Variants in LCOR observed in about 807,000 individuals in gnomAD.
The protein encoded by LCOR is ligand dependent nuclear receptor corepressor.
A neutral mutation model predicts 64.4 loss-of-function variants in LCOR; 14 were observed. That is an observed-to-expected ratio of 0.22 (90% CI 0.14 to 0.34). The LOEUF (loss-of-function observed/expected upper bound fraction) is 0.34. Ranked by LOEUF, LCOR falls within the 10% of genes least tolerant of loss-of-function variation. LCOR has a pLI of 1.00. For synonymous variants in LCOR, 643 were observed against 642.5 expected (o/e 1.00, Z -0.01); for missense variants, 1,686 against 1,765.3 (o/e 0.96, Z 0.80).
intron 7 of LCOR, among the ~76,000 whole-genome samples, 193 bp downstream of exon 7, chr10:96,952,389 A>T (rs1010734289): frequency 1.3e-5 from 2 of 152,208 alleles, no homozygotes; most frequent in African/African-American, 2.4e-5. Flanking sequence ...TTGTCAGTTT[A>T]GTACAAATAG....
intron 2 of LCOR, among the ~76,000 whole-genome samples, chr10:96,837,243 G>T (rs1171928122): frequency 6.6e-6 from 1 of 151,902 alleles, no homozygotes; most frequent in Non-Finnish European, 1.5e-5. Flanking sequence ...GCCCGCCTTG[G>T]CCTCCCAAAG....
rs1846746194 is a variant in LCOR, at chr10:96,907,314, T to A, written c.-280T>A. Reference sequence around the variant, plus strand: ...TGTTTGGACCTGCATTATTAAAAGATCTCAGTTTATTTAAAGGTATTCAAA... The same window carrying A: ...TGTTTGGACCTGCATTATTAAAAGAACTCAGTTTATTTAAAGGTATTCAAA... On this transcript the variant is annotated 5_prime_UTR_variant, in exon 3 of 8. Coordinates refer to ENST00000421806, the MANE Select transcript of LCOR (RefSeq NM_001346516.2). 1 of 979,302 alleles carries A rather than the reference T, an allele frequency of 1.0e-6. No individual in the cohort carries two copies. Among genetic ancestry groups the A allele is most frequent in the African/African-American group, 1.8e-5 (1 of 57,102 alleles). 60.7% of individuals were successfully genotyped at this position (979,302 alleles called of 1,614,324 possible).
chr10:96,835,652 C>T (rs1016130480), intron 2 of LCOR, among the ~76,000 whole-genome samples: 1 of 152,112 alleles, frequency 6.6e-6, no homozygotes. Context: ...CTGTTTGTTT[C>T]TCTTGACTGA....
At chr10:96,892,530 A>G (rs1052744742) in intron 2 of LCOR, among the ~76,000 whole-genome samples, 1 of 152,152 alleles carries the variant, frequency 6.6e-6, no homozygotes, top group Non-Finnish European at 1.5e-5. Context: ...ATGTTCTCAC[A>G]TGACAAAAGG....
chr10:96,935,178 T>G (rs1327870173), intron 4 of LCOR, among the ~76,000 whole-genome samples: 1 of 127,636 alleles, frequency 7.8e-6, no homozygotes, highest in Non-Finnish European at 1.6e-5. Flanking sequence ...AGACAGAGTG[T>G]CACTCTGTCA....
chr10:96,891,289 A>C (rs12257413), intron 2 of LCOR, among the ~76,000 whole-genome samples: 20,979 of 151,832 alleles, frequency 0.14, 1,972 homozygotes, highest in African/African-American at 0.26. Flanking sequence ...ATTTGTTGGC[A>C]TACAATAGTT....
In LCOR at chr10:96,993,143, CA is replaced by C. The variant is rs1450995026; in HGVS notation, c.*8010del. 6.6e-6 allele frequency: 1 copy of C among 152,232 alleles called. No homozygotes were observed. The highest frequency in any genetic ancestry group is 1.5e-5 in the Non-Finnish European group (1 of 68,070). The allele number at this position is 152,232 out of a possible 1,614,324, so 9.4% of individuals were successfully genotyped here. A position where few individuals can be genotyped will look rare whatever the true frequency, so the allele number is the denominator to read the frequency against. ...TCTGTGCCCTGTCCTTCGGCACCCCCATGTTAGTCATGATCCTCATTGTGCA... is the reference window on the plus strand; with the variant it reads ...TCTGTGCCCTGTCCTTCGGCACCCCCTGTTAGTCATGATCCTCATTGTGCA... On this transcript the variant is annotated 3_prime_UTR_variant, in exon 8 of 8. Coordinates refer to ENST00000421806, the MANE Select transcript of LCOR (RefSeq NM_001346516.2).
chr10:96,876,905 G>A (rs1846175085), intron 2 of LCOR, among the ~76,000 whole-genome samples: 1 of 151,950 alleles, frequency 6.6e-6, no homozygotes, highest in Admixed American at 6.6e-5. Context: ...ATGTTGGCCA[G>A]GTTGGTCTGG....
chr10:96,936,244 G>A (rs1847348990), intron 4 of LCOR, among the ~76,000 whole-genome samples: 1 of 152,198 alleles, frequency 6.6e-6, no homozygotes, highest in Non-Finnish European at 1.5e-5. Flanking sequence ...TTACCAAAAC[G>A]AATGAGATGT....
chr10:96,874,313 A>G (rs1272238514), intron 2 of LCOR, among the ~76,000 whole-genome samples: 1 of 152,104 alleles, frequency 6.6e-6, no homozygotes, highest in Non-Finnish European at 1.5e-5. Context: ...TTTGATCTAT[A>G]TTGCCAGTGT....
chr10:96,924,968 A>C (rs1775022962), intron 4 of LCOR, among the ~76,000 whole-genome samples: 1 of 152,174 alleles, frequency 6.6e-6, no homozygotes, highest in East Asian at 1.9e-4. Context: ...AATCCAATTT[A>C]GCATCACTCA....
intron 2 of LCOR, among the ~76,000 whole-genome samples, chr10:96,866,709 G>A (rs1240713515): frequency 6.6e-6 from 1 of 151,986 alleles, no homozygotes; most frequent in East Asian, 1.9e-4. Context: ...CTAGTAGCTC[G>A]GATTACAGGC....
At position 96,984,859 on chromosome 10, in the gene LCOR, A is replaced by G. The variant is rs755456250; in HGVS notation, c.4399A>G (p.Ser1467Gly). Reference sequence around the variant, plus strand: ...GATCCCTAAAAAGTCCGCTGGGAAGAGCTGCCCTCCCTCCAGGAAAGAAAA... The same window carrying G: ...GATCCCTAAAAAGTCCGCTGGGAAGGGCTGCCCTCCCTCCAGGAAAGAAAA... Reference protein sequence around the residue: ...VKIPKKSAGKSCPPSRKEKEN... With the variant: ...VKIPKKSAGKGCPPSRKEKEN... The change falls in exon 8 of 8, where the codon AGC (serine) becomes GGC (glycine). Residue 1467 changes from serine (S) to glycine (G), a missense_variant. Transcript: ENST00000421806. 6 of 1,614,040 alleles carry G rather than the reference A, an allele frequency of 3.7e-6. No homozygotes were observed. In the African/African-American group the frequency reaches 8.0e-5, roughly 22 times the overall value.
chr10:96,832,762 T>C (rs1003356785), intron 1 of LCOR, among the ~76,000 whole-genome samples: 1 of 149,946 alleles, frequency 6.7e-6, no homozygotes, highest in African/African-American at 2.4e-5. Flanking sequence ...CGCCGGCTTA[T>C]TGTGGCGACT....
intron 1 of LCOR, chr10:96,833,152 G>A: frequency 1.0e-6 from 1 of 985,548 alleles, no homozygotes; most frequent in Non-Finnish European, 1.2e-6. Context: ...GTCGTGCTGC[G>A]GGAGGAGGGG....
Position 96,855,265 on chromosome 10 carries a change from A to G in LCOR, c.-330+21786A>G, listed in dbSNP as rs1255854046. On this transcript the variant is annotated intron_variant, in intron 2 of 7. Transcript: ENST00000421806. Reference sequence around the variant, plus strand: ...CTATATGCATTTGTGTGAGACATACAGAATGATGGATGAGAATTATTTCTG... The same window carrying G: ...CTATATGCATTTGTGTGAGACATACGGAATGATGGATGAGAATTATTTCTG... Among the ~76,000 whole-genome samples, 3 of 152,186 alleles carry G rather than the reference A, an allele frequency of 2.0e-5. No homozygotes were observed. The East Asian group carries it at 5.8e-4, about 29-fold the overall frequency.
chr10:96,898,453 A>G (rs1258454320), intron 2 of LCOR, among the ~76,000 whole-genome samples: 1 of 152,228 alleles, frequency 6.6e-6, no homozygotes, highest in Non-Finnish European at 1.5e-5. Context: ...TGAAATCTTC[A>G]CTATTGTCAG....
In LCOR at chr10:96,946,129, T is replaced by C. The variant is rs137985039; in HGVS notation, c.-51+1884T>C. 5.7e-4 allele frequency among the ~76,000 whole-genome samples: 86 copies of C among 152,156 alleles called. 1 individual carries two copies. The highest frequency in any genetic ancestry group is 1.9e-3 in the African/African-American group (81 of 41,574). On this transcript the variant is annotated intron_variant, in intron 5 of 7. Coordinates refer to ENST00000421806, the MANE Select transcript of LCOR (RefSeq NM_001346516.2). ...TGGACATTTTCTTCCCCTTTATGTA[T>C]TAATATTGCTATGTTTAGATATAAT...
At chr10:96,902,675 G>T (rs1846660215) in intron 2 of LCOR, among the ~76,000 whole-genome samples, 1 of 152,076 alleles carries the variant, frequency 6.6e-6, no homozygotes, top group Non-Finnish European at 1.5e-5. Context: ...TCGTATGAAG[G>T]CTCAGTGTGG....
Sources: gnomAD v4.1 joint callset for allele counts (sites outside exome capture counted in the v4.1 genomes callset) on GRCh38, gnomAD v4.1.1 for gene constraint, MANE v1.5 for transcripts, NCBI Gene and HGNC (gene_info 2026-07-23, HGNC 2026-07-21) for gene names.